Variants in GLI2 observed in about 807,000 individuals in gnomAD.
GLI2 encodes GLI family zinc finger 2.
A neutral mutation model predicts 78.9 loss-of-function variants in GLI2; 22 were observed. The observed-to-expected ratio is 0.28, with a 90% CI of 0.20 to 0.40. The LOEUF (loss-of-function observed/expected upper bound fraction) is 0.40, where lower values mean the gene tolerates loss of function less well. GLI2 is among the 10% of genes least tolerant of loss of function. The pLI is 1.00. For missense variants in GLI2, 2,097 were observed against 2,213.2 expected, an observed-to-expected ratio of 0.95 and a Z score of 1.05; for synonymous variants, 974 against 963.7, an observed-to-expected ratio of 1.01 and a Z score of -0.20.
chr2:120,771,903 G>A (rs777107721), intron 1 of GLI2, among the ~76,000 whole-genome samples: 30 of 152,174 alleles, frequency 2.0e-4, no homozygotes, highest in Non-Finnish European at 3.8e-4. Context: ...CTGCACAGTC[G>A]TATTTTATGC....
chr2:120,908,834 A>AG (rs907124316), intron 2 of GLI2, among the ~76,000 whole-genome samples: 3 of 152,128 alleles, frequency 2.0e-5, no homozygotes, highest in Admixed American at 1.3e-4. Flanking sequence ...CCAGAAAGGA[A>AG]GGGGGGAGCC....
chr2:120,809,742 A>G (rs1685145358), intron 2 of GLI2, among the ~76,000 whole-genome samples: 1 of 152,188 alleles, frequency 6.6e-6, no homozygotes, highest in African/African-American at 2.4e-5. Context: ...CATCTAATCT[A>G]TAGGCCCCAG....
intron 1 of GLI2, among the ~76,000 whole-genome samples, chr2:120,738,847 T>C (rs1414372842): frequency 2.0e-5 from 3 of 152,242 alleles, no homozygotes; most frequent in Non-Finnish European, 4.4e-5. Context: ...CTCATTCTGC[T>C]CTGGCCTTGA....
At position 120,910,213 on chromosome 2, in the gene GLI2, C is replaced by T. The variant is rs144269395; in HGVS notation, c.149-17148C>T. On this transcript the variant is annotated intron_variant, in intron 2 of 13. Coordinates refer to ENST00000361492, the MANE Select transcript of GLI2 (RefSeq NM_001374353.1). ...CCCACAACTTATAATGCTAACAAGC[C>T]GTTTGGGGCCTCCCGGTGGTCAGCA... Among the ~76,000 whole-genome samples, 652 of 152,242 alleles carry T rather than the reference C, an allele frequency of 4.3e-3. 3 individuals are homozygous for T. The highest frequency in any genetic ancestry group is 0.015 in the African/African-American group (615 of 41,534).
chr2:120,871,603 C>T (rs998504768), intron 2 of GLI2, among the ~76,000 whole-genome samples: 3 of 152,140 alleles, frequency 2.0e-5, no homozygotes, highest in Non-Finnish European at 2.9e-5. Flanking sequence ...TTGCAAAGGA[C>T]GTCTTTTGTT....
At chr2:120,880,560 G>T (rs2104708299) in intron 2 of GLI2, among the ~76,000 whole-genome samples, 1 of 152,264 alleles carries the variant, frequency 6.6e-6, no homozygotes, top group East Asian at 1.9e-4. Context: ...GGTCACATCT[G>T]TGGTCATTCA....
intron 2 of GLI2, among the ~76,000 whole-genome samples, chr2:120,913,655 A>G (rs1482074791): frequency 6.6e-6 from 1 of 152,208 alleles, no homozygotes; most frequent in Non-Finnish European, 1.5e-5. Context: ...AGTGGCCCTT[A>G]CGGGACCTGC....
chr2:120,878,280 G>A (rs1021272619), intron 2 of GLI2, among the ~76,000 whole-genome samples: 20 of 152,294 alleles, frequency 1.3e-4, no homozygotes, highest in Non-Finnish European at 2.1e-4. Context: ...CGATACCACC[G>A]TCAAATGTAT....
chr2:120,784,535 G>A (rs1364503118), intron 1 of GLI2, among the ~76,000 whole-genome samples: 2 of 152,066 alleles, frequency 1.3e-5, no homozygotes, highest in African/African-American at 4.8e-5. Context: ...GGGGGTTTTG[G>A]GGGCCCAGAT....
chr2:120,980,256 A>T (rs1401898135), intron 10 of GLI2, among the ~76,000 whole-genome samples: 1 of 152,192 alleles, frequency 6.6e-6, no homozygotes, highest in Non-Finnish European at 1.5e-5. Context: ...CCCACAATGA[A>T]TGAGGGTTCT....
intron 5 of GLI2, 21 bp from the exon 6 acceptor site, chr2:120,968,693 C>T (rs1489273611): frequency 1.9e-6 from 3 of 1,557,306 alleles, no homozygotes; most frequent in Admixed American, 3.3e-5. Flanking sequence ...GCTGACCTGT[C>T]TTGTGTTGAC....
chr2:120,892,109 C>G (rs1371929542), intron 2 of GLI2, among the ~76,000 whole-genome samples: 2 of 152,188 alleles, frequency 1.3e-5, no homozygotes, highest in Non-Finnish European at 2.9e-5. Context: ...AAAGCACTGT[C>G]CCATTGTCGG....
At chr2:120,806,476 C>T (rs1321255896) in intron 2 of GLI2, among the ~76,000 whole-genome samples, 2 of 142,254 alleles carry the variant, frequency 1.4e-5, no homozygotes, top group Non-Finnish European at 3.1e-5. Context: ...TGGGGACATT[C>T]GGGGTTCCAC....
At chr2:120,875,181 C>CTTAGGAACA (rs1688674290) in intron 2 of GLI2, among the ~76,000 whole-genome samples, 1 of 152,236 alleles carries the variant, frequency 6.6e-6, no homozygotes, top group Non-Finnish European at 1.5e-5. Context: ...AAGCTGGGAC[C>CTTAGGAACA]TGGGGACAGG....
intron 2 of GLI2, among the ~76,000 whole-genome samples, chr2:120,857,391 A>AC (rs1687703698): frequency 3.6e-5 from 1 of 27,970 alleles, no homozygotes; most frequent in Non-Finnish European, 7.3e-5. Flanking sequence ...CCATCTGCCC[A>AC]CCCACCCACC....
At chr2:120,980,884 AT>A (rs58013537) in intron 10 of GLI2, among the ~76,000 whole-genome samples, 6,106 of 146,496 alleles carry the variant, frequency 0.042, 339 homozygotes, top group African/African-American at 0.13. Context: ...TTTGGAGTTA[AT>A]TTTTTTTTTT....
At chr2:120,841,848 G>GGGGTGTGTGTGTGTGTGTGTGTGTGT (rs1553455507) in intron 2 of GLI2, among the ~76,000 whole-genome samples, 1 of 132,634 alleles carries the variant, frequency 7.5e-6, no homozygotes, top group African/African-American at 2.8e-5. Context: ...CAGTCTGGAG[G>GGGGTGTGTGTGTGTGTGTGTGTGTGT]GTGTGTGTGT....
intron 2 of GLI2, among the ~76,000 whole-genome samples, chr2:120,837,393 CAAAAAAAA>C (rs768947767): frequency 0.093 from 7,160 of 77,052 alleles, 203 homozygotes; most frequent in East Asian, 0.2. Flanking sequence ...GACTCCATCT[CAAAAAAAA>C]AAAAAAAAAA....
intron 2 of GLI2, among the ~76,000 whole-genome samples, chr2:120,882,808 T>C (rs1677217719): frequency 6.6e-6 from 1 of 152,222 alleles, no homozygotes; most frequent in Non-Finnish European, 1.5e-5. Flanking sequence ...CTTCTCATTT[T>C]GTCTATCTTA....
Sources: allele counts gnomAD v4.1 joint callset (sites outside exome capture counted in the v4.1 genomes callset), GRCh38; gene constraint gnomAD v4.1.1; transcripts MANE v1.5; gene names NCBI Gene and HGNC (gene_info 2026-07-23, HGNC 2026-07-21).